The following WNT9B variants were observed in gnomAD, a reference collection of about 807,000 sequenced individuals.
WNT9B encodes the protein protein Wnt-9b.
A neutral mutation model predicts 30.2 loss-of-function variants in WNT9B; 12 were observed. The observed-to-expected ratio is 0.40, with a 90% CI of 0.26 to 0.64. WNT9B has a LOEUF of 0.64. WNT9B is among the 30% of genes least tolerant of loss of function. The pLI is 0.42. For missense variants in WNT9B, 442 were observed against 485.2 expected (o/e 0.91, Z 0.84); for synonymous variants, 218 against 216.9 (o/e 1.01, Z -0.05).
intron 1 of WNT9B, among the ~76,000 whole-genome samples, chr17:46,844,902 CA>C (rs1426977160): frequency 1.3e-5 from 2 of 151,912 alleles, no homozygotes; most frequent in African/African-American, 2.4e-5. Context: ...GGCTGGAGTG[CA>C]ATGGTGGGAT....
downstream of WNT9B, among the ~76,000 whole-genome samples, chr17:46,883,271 T>G (rs1343712499): frequency 6.7e-6 from 1 of 149,158 alleles, no homozygotes; most frequent in Non-Finnish European, 1.5e-5. Context: ...CGTGAGCTAC[T>G]GCGCCCGGCC....
chr17:46,866,566 C>T (rs2085141665), intron 1 of WNT9B, among the ~76,000 whole-genome samples: 1 of 151,998 alleles, frequency 6.6e-6, no homozygotes, highest in Non-Finnish European at 1.5e-5. Context: ...ACTCACCATG[C>T]AAATGGCCTT....
downstream of WNT9B, among the ~76,000 whole-genome samples, chr17:46,881,645 C>A (rs528747525): frequency 6.6e-6 from 1 of 152,302 alleles, no homozygotes; most frequent in South Asian, 2.1e-4. Context: ...CAAACAGGCC[C>A]GCAGACCCCT....
intron 1 of WNT9B, among the ~76,000 whole-genome samples, chr17:46,862,860 A>C (rs766632214): frequency 6.6e-6 from 1 of 152,198 alleles, no homozygotes; most frequent in African/African-American, 2.4e-5. Flanking sequence ...CTGGGATTAC[A>C]AGCGTGAGCC....
chr17:46,864,225 CAG>C (rs897967276), intron 1 of WNT9B, among the ~76,000 whole-genome samples: 1 of 152,168 alleles, frequency 6.6e-6, no homozygotes, highest in Non-Finnish European at 1.5e-5. Flanking sequence ...GTCACCCAGC[CAG>C]AGTCACCCAG....
intron 1 of WNT9B, among the ~76,000 whole-genome samples, chr17:46,837,346 A>G (rs1048576501): frequency 3.3e-5 from 5 of 152,188 alleles, no homozygotes; most frequent in Non-Finnish European, 7.4e-5. Flanking sequence ...TAACCTACTC[A>G]TGGAGCCAAA....
intron 1 of WNT9B, among the ~76,000 whole-genome samples, chr17:46,863,772 G>A (rs2085083352): frequency 6.6e-6 from 1 of 152,188 alleles, no homozygotes; most frequent in Admixed American, 6.5e-5. Context: ...GCTGAGGGGA[G>A]GGTCCCCTTT....
intron 1 of WNT9B, among the ~76,000 whole-genome samples, chr17:46,855,785 A>G (rs2084928393): frequency 6.7e-6 from 1 of 148,626 alleles, no homozygotes; most frequent in Non-Finnish European, 1.5e-5. Flanking sequence ...TGCAACCTCC[A>G]CCTCCCAAGT....
chr17:46,876,421 A>C lies in WNT9B; in HGVS notation c.777A>C (p.Leu259=), dbSNP rs1201453375. 1 of 1,613,788 alleles carries C rather than the reference A, an allele frequency of 6.2e-7. No individual in the cohort carries two copies. The highest frequency in any genetic ancestry group is 1.1e-5 in the South Asian group (1 of 91,086). Residue 259 remains leucine (L), a synonymous_variant, in exon 4 of 4, where the codon CTA becomes CTC. Transcript: ENST00000290015. Reference sequence around the variant, plus strand: ...CCACCAATGAGGCCTTGGGCCGCCTAGAGCTGTGGGCCCCTGCCAGGCAGG... The same window carrying C: ...CCACCAATGAGGCCTTGGGCCGCCTCGAGCTGTGGGCCCCTGCCAGGCAGG... ...SSATNEALGR[L]ELWAPARQGS...
At chr17:46,859,051 ACTGCAACCTCCAC>A (rs906906787) in intron 1 of WNT9B, among the ~76,000 whole-genome samples, 10 of 146,230 alleles carry the variant, frequency 6.8e-5, no homozygotes, top group African/African-American at 2.6e-4. Flanking sequence ...ATCTCGGCTC[ACTGCAACCTCCAC>A]CTCCCGGGTT....
chr17:46,856,171 T>A (rs1415722094), intron 1 of WNT9B, among the ~76,000 whole-genome samples: 1 of 152,236 alleles, frequency 6.6e-6, no homozygotes, highest in Admixed American at 6.5e-5. Context: ...AGACAGTGAA[T>A]CCCAGCTTTG....
chr17:46,884,799 A>G (rs188451105), downstream of WNT9B, among the ~76,000 whole-genome samples: 185 of 152,244 alleles, frequency 1.2e-3, no homozygotes, highest in African/African-American at 4.2e-3. Context: ...GACCCAGTGA[A>G]GGCGACAGCT....
downstream of WNT9B, among the ~76,000 whole-genome samples, chr17:46,884,690 G>C (rs2085468168): frequency 1.3e-5 from 2 of 152,170 alleles, no homozygotes; most frequent in South Asian, 4.1e-4. Context: ...GCTCCAAGTT[G>C]GTGTCATCCC....
At chr17:46,864,542 G>A (rs887946661) in intron 1 of WNT9B, among the ~76,000 whole-genome samples, 2 of 152,142 alleles carry the variant, frequency 1.3e-5, no homozygotes, top group African/African-American at 4.8e-5. Flanking sequence ...TAAACAGAGG[G>A]TCTTTCTCTC....
intron 1 of WNT9B, among the ~76,000 whole-genome samples, chr17:46,853,512 T>C (rs1250828522): frequency 1.3e-5 from 2 of 151,814 alleles, no homozygotes; most frequent in Non-Finnish European, 2.9e-5. Flanking sequence ...GCTGGGACTA[T>C]AGGCGCGTGC....
At chr17:46,842,042 T>C (rs2084721686) in intron 1 of WNT9B, among the ~76,000 whole-genome samples, 1 of 152,190 alleles carries the variant, frequency 6.6e-6, no homozygotes, top group African/African-American at 2.4e-5. Context: ...GGGCCTGGGC[T>C]GGCCTGGGGA....
At chr17:46,840,241 C>A (rs577788235) in intron 1 of WNT9B, among the ~76,000 whole-genome samples, 1 of 151,978 alleles carries the variant, frequency 6.6e-6, no homozygotes, top group South Asian at 2.1e-4. Context: ...TGCCCGACAC[C>A]ACGCCCGGCT....
At chr17:46,856,745 A>C (rs994928753) in intron 1 of WNT9B, among the ~76,000 whole-genome samples, 2 of 152,144 alleles carry the variant, frequency 1.3e-5, no homozygotes, top group African/African-American at 4.8e-5. Context: ...CAGCCTCCCA[A>C]AGTGCTAGAA....
At chr17:46,841,540 T>C (rs768966125) in intron 1 of WNT9B, among the ~76,000 whole-genome samples, 38 of 152,130 alleles carry the variant, frequency 2.5e-4, no homozygotes, top group Non-Finnish European at 5.3e-4. Flanking sequence ...ATGTCCCAAA[T>C]TGAGAGCGGG....
Sources: gnomAD v4.1 joint callset for allele counts (sites outside exome capture counted in the v4.1 genomes callset) on GRCh38, gnomAD v4.1.1 for gene constraint, MANE v1.5 for transcripts, NCBI Gene and HGNC (gene_info 2026-07-23, HGNC 2026-07-21) for gene names.